Variants in GRM8 observed in about 807,000 individuals in gnomAD.
The protein encoded by GRM8 is metabotropic glutamate receptor 8.
A neutral mutation model predicts 87.2 loss-of-function variants in GRM8; 47 were observed. The observed-to-expected ratio is 0.54, with a 90% CI of 0.43 to 0.69. GRM8 has a LOEUF of 0.69. Among genes scored for constraint, GRM8 ranks in the 30% least tolerant of loss-of-function variants. GRM8 has a pLI of 0.00. For synonymous variants in GRM8, 396 were observed against 404.5 expected (o/e 0.98, Z 0.25); for missense variants, 1,019 against 1,139.2 (o/e 0.89, Z 1.52).
At chr7:127,012,127 G>A (rs912609528) in intron 3 of GRM8, among the ~76,000 whole-genome samples, 1 of 152,010 alleles carries the variant, frequency 6.6e-6, no homozygotes, top group Admixed American at 6.6e-5. Context: ...CTGGATTCTG[G>A]GCTAACTCTG....
intron 2 of GRM8, among the ~76,000 whole-genome samples, chr7:127,125,207 A>G (rs929089169): frequency 1.3e-5 from 2 of 152,148 alleles, no homozygotes; most frequent in African/African-American, 4.8e-5. Flanking sequence ...GCAAATTTGA[A>G]GAATTCATTA....
At chr7:127,014,730 G>A (rs1815227644) in intron 3 of GRM8, among the ~76,000 whole-genome samples, 1 of 151,796 alleles carries the variant, frequency 6.6e-6, no homozygotes, top group South Asian at 2.1e-4. Context: ...AGAAATTATA[G>A]GCAATTAAAT....
intron 9 of GRM8, among the ~76,000 whole-genome samples, chr7:126,490,782 C>T (rs1368746958): frequency 6.6e-6 from 1 of 152,082 alleles, no homozygotes; most frequent in Non-Finnish European, 1.5e-5. Flanking sequence ...CAGACAATCA[C>T]CGTCTTTTAT....
intron 9 of GRM8, among the ~76,000 whole-genome samples, chr7:126,453,389 T>C (rs1002237393): frequency 1.3e-5 from 2 of 151,660 alleles, no homozygotes; most frequent in Non-Finnish European, 2.9e-5. Flanking sequence ...GACACATATT[T>C]GCAACATGAA....
chr7:126,847,236 A>G (rs1796782410), intron 6 of GRM8, among the ~76,000 whole-genome samples: 1 of 152,096 alleles, frequency 6.6e-6, no homozygotes, highest in African/African-American at 2.4e-5. Flanking sequence ...CTTATAGAAC[A>G]ACACTAGCTT....
At chr7:127,026,492 A>C (rs985635837) in intron 3 of GRM8, among the ~76,000 whole-genome samples, 3 of 152,124 alleles carry the variant, frequency 2.0e-5, no homozygotes, top group Admixed American at 6.5e-5. Context: ...CCATTTCTCC[A>C]CATTCTCTCC....
intron 3 of GRM8, among the ~76,000 whole-genome samples, chr7:126,979,402 T>C (rs1210228884): frequency 6.6e-6 from 1 of 152,218 alleles, no homozygotes; most frequent in Non-Finnish European, 1.5e-5. Context: ...ATTTAATACA[T>C]AGCTAAATAC....
intron 7 of GRM8, among the ~76,000 whole-genome samples, chr7:126,650,502 T>C (rs543699492): frequency 2.0e-5 from 3 of 152,224 alleles, no homozygotes; most frequent in South Asian, 4.2e-4. Flanking sequence ...CTTCAAGCAG[T>C]GCATCTGGAT....
At chr7:127,197,854 A>G (rs2116531932) in intron 2 of GRM8, among the ~76,000 whole-genome samples, 1 of 152,244 alleles carries the variant, frequency 6.6e-6, no homozygotes, top group Admixed American at 6.5e-5. Context: ...AAACACTCAT[A>G]CTCTATAAAC....
At chr7:126,615,682 C>T (rs952520645) in intron 7 of GRM8, among the ~76,000 whole-genome samples, 1 of 152,070 alleles carries the variant, frequency 6.6e-6, no homozygotes, top group South Asian at 2.1e-4. Context: ...GGAGGAAGAT[C>T]TACCAAGCAA....
At chr7:126,494,119 G>A (rs1007240062) in intron 9 of GRM8, among the ~76,000 whole-genome samples, 1 of 151,966 alleles carries the variant, frequency 6.6e-6, no homozygotes, top group Non-Finnish European at 1.5e-5. Context: ...ATATTTACCA[G>A]TAATGAAGAT....
At chr7:126,603,960 C>G (rs969995877) in intron 8 of GRM8, among the ~76,000 whole-genome samples, 1 of 151,472 alleles carries the variant, frequency 6.6e-6, no homozygotes, top group East Asian at 1.9e-4. Context: ...AAAGCTGTTC[C>G]TCTATGAAAT....
At chr7:127,047,356 G>T (rs1056168261) in intron 3 of GRM8, among the ~76,000 whole-genome samples, 1 of 151,992 alleles carries the variant, frequency 6.6e-6, no homozygotes, top group Non-Finnish European at 1.5e-5. Flanking sequence ...CTAAATTGAG[G>T]GGTTAGTGAA....
chr7:126,571,322 C>G (rs957608830), intron 8 of GRM8, among the ~76,000 whole-genome samples: 3 of 152,082 alleles, frequency 2.0e-5, no homozygotes, highest in Admixed American at 6.6e-5. Flanking sequence ...AAAGGGAACC[C>G]CATGGAGACA....
chr7:126,761,714 T>C (rs890285544), intron 7 of GRM8, among the ~76,000 whole-genome samples: 3 of 152,208 alleles, frequency 2.0e-5, no homozygotes, highest in Admixed American at 2.0e-4. Flanking sequence ...ATCACCTGAC[T>C]GCCCCCACAA....
chr7:127,128,224 G>C (rs1275855552), intron 2 of GRM8, among the ~76,000 whole-genome samples: 1 of 152,130 alleles, frequency 6.6e-6, no homozygotes, highest in Non-Finnish European at 1.5e-5. Flanking sequence ...CTGAGTATCA[G>C]AATTACCTGG....
intron 9 of GRM8, among the ~76,000 whole-genome samples, chr7:126,520,767 T>C (rs774838212): frequency 2.0e-5 from 3 of 152,140 alleles, no homozygotes; most frequent in Non-Finnish European, 4.4e-5. Flanking sequence ...GACGGCCTTC[T>C]TTGGAGACAT....
chr7:127,108,520 G>T (rs1826027340), intron 2 of GRM8, among the ~76,000 whole-genome samples: 1 of 151,996 alleles, frequency 6.6e-6, no homozygotes, highest in Admixed American at 6.6e-5. Flanking sequence ...TGTCCTATTT[G>T]GATACCGATA....
At chr7:126,608,850 G>A (rs1174819750) in intron 8 of GRM8, among the ~76,000 whole-genome samples, 4 of 146,920 alleles carry the variant, frequency 2.7e-5, no homozygotes, top group South Asian at 2.2e-4. Context: ...TGCAAGCTCC[G>A]CCTCCCGGGT....
Sources: allele counts gnomAD v4.1 joint callset (sites outside exome capture counted in the v4.1 genomes callset), GRCh38; gene constraint gnomAD v4.1.1; transcripts MANE v1.5; gene names NCBI Gene and HGNC (gene_info 2026-07-23, HGNC 2026-07-21).